The following OTUD7A variants were observed in gnomAD, a reference collection of about 807,000 sequenced individuals.
OTUD7A encodes the protein OTU deubiquitinase 7A, also known as OTU domain-containing protein 7A.
Under a neutral mutation model 65.7 loss-of-function variants are expected in OTUD7A, and 12 were observed. The ratio of observed to expected loss-of-function variants is 0.18; its 90% confidence interval spans 0.12 to 0.30. The LOEUF (loss-of-function observed/expected upper bound fraction) is 0.30, where lower values mean the gene tolerates loss of function less well. OTUD7A is among the 10% of genes least tolerant of loss of function. OTUD7A has a pLI of 1.00. For synonymous variants in OTUD7A, 641 were observed against 586.3 expected, an observed-to-expected ratio of 1.09 and a Z score of -1.35; for missense variants, 1,148 against 1,304.8, an observed-to-expected ratio of 0.88 and a Z score of 1.85.
chr15:31,802,006 T>C (rs944284973), intron 1 of OTUD7A, among the ~76,000 whole-genome samples: 2 of 152,128 alleles, frequency 1.3e-5, no homozygotes, highest in African/African-American at 4.8e-5. Context: ...CCTCCCATTT[T>C]GTTATGGGTT....
At chr15:31,770,884 T>G (rs1595757781) in intron 1 of OTUD7A, among the ~76,000 whole-genome samples, 1 of 151,984 alleles carries the variant, frequency 6.6e-6, no homozygotes, top group East Asian at 1.9e-4. Context: ...CTCAACAGAT[T>G]AAGAATATAA....
At chr15:31,800,767 C>T (rs894603434) in intron 1 of OTUD7A, among the ~76,000 whole-genome samples, 1 of 152,122 alleles carries the variant, frequency 6.6e-6, no homozygotes, top group Non-Finnish European at 1.5e-5. Context: ...GCAGCCCCAG[C>T]GTTTTTTTGT....
Position 31,483,519 on chromosome 15 carries a change from G to C in OTUD7A, c.2577C>G (p.Thr859=), listed in dbSNP as rs759967630. The C allele has an allele frequency of 1.6e-3, 2,205 of 1,388,544 alleles. 7 individuals are homozygous for C. The highest frequency in any genetic ancestry group is 1.9e-3 in the Non-Finnish European group (2,041 of 1,068,248). 86.0% of individuals were successfully genotyped at this position (1,388,544 alleles called of 1,614,324 possible). Residue 859 remains threonine (T), a synonymous_variant, in exon 13 of 13, where the codon ACC becomes ACG. Coordinates refer to ENST00000307050, the MANE Select transcript of OTUD7A (RefSeq NM_001382637.1). ...GAAEHKSQTY[T]NGFGALRDGL... is the part of the protein sequence containing the mutation. ...CGTCGCGCAGGGCGCCGAAGCCGTT[G>C]GTGTAGGTCTGCGACTTGTGCTCGG...
intron 1 of OTUD7A, among the ~76,000 whole-genome samples, chr15:31,853,143 C>CA (rs1897474121): frequency 6.6e-6 from 1 of 152,328 alleles, no homozygotes; most frequent in South Asian, 2.1e-4. Flanking sequence ...TGGAGTCAAA[C>CA]AAAAACTCTT....
intron 1 of OTUD7A, chr15:31,766,947 T>C (rs879154371): frequency 2.8e-5 from 45 of 1,611,806 alleles, no homozygotes; most frequent in South Asian, 1.6e-4. Context: ...TGTTAGAGGA[T>C]AGATCACGCA....
chr15:31,647,072 G>A (rs1055217948), intron 3 of OTUD7A, among the ~76,000 whole-genome samples: 23 of 152,242 alleles, frequency 1.5e-4, no homozygotes, highest in African/African-American at 5.1e-4. Context: ...CCCCAAATAC[G>A]TCTGGTCTAA....
chr15:31,477,855 T>C lies in OTUD7A; in HGVS notation c.*5439A>G, dbSNP rs1449862337. The C allele has an allele frequency of 7.4e-6, 1 of 135,332 alleles. No homozygotes were observed. Among genetic ancestry groups the C allele is most frequent in the Non-Finnish European group, 1.5e-5 (1 of 66,168 alleles). The allele number at this position is 135,332 out of a possible 1,614,324, so 8.4% of individuals were successfully genotyped here. On this transcript the variant is annotated 3_prime_UTR_variant, in exon 13 of 13. Coordinates refer to ENST00000307050, the MANE Select transcript of OTUD7A (RefSeq NM_001382637.1). ...AACATCTGCAGCACTCAGATGGTGATAGGTGCACAAGAAGAAGATGCAGAG... is the reference window on the plus strand; with the variant it reads ...AACATCTGCAGCACTCAGATGGTGACAGGTGCACAAGAAGAAGATGCAGAG...
intron 10 of OTUD7A, among the ~76,000 whole-genome samples, chr15:31,500,578 G>A (rs1287486664): frequency 1.3e-5 from 2 of 152,256 alleles, no homozygotes; most frequent in South Asian, 2.1e-4. Context: ...CGCCTCTGGC[G>A]GAGGGCTGGG....
Position 31,479,024 on chromosome 15 carries a change from C to G in OTUD7A, c.*4270G>C, listed in dbSNP as rs2041070476. On this transcript the variant is annotated 3_prime_UTR_variant, in exon 13 of 13. Coordinates refer to ENST00000307050, the MANE Select transcript of OTUD7A (RefSeq NM_001382637.1). ...AACAAAGCTGAGCGCTGGTCACTGC[C>G]CCGGCCAGCCACACTAAAACAGGCC... 6.6e-6 allele frequency: 1 copy of G among 152,306 alleles called. No individual in the cohort carries two copies. The highest frequency in any genetic ancestry group is 2.4e-5 in the African/African-American group (1 of 41,440). The allele number at this position is 152,306 out of a possible 1,614,324, so 9.4% of individuals were successfully genotyped here. A position where few individuals can be genotyped will look rare whatever the true frequency, so the allele number is the denominator to read the frequency against.
At chr15:31,863,081 C>T (rs919535548) in intron 1 of OTUD7A, among the ~76,000 whole-genome samples, 20 of 152,310 alleles carry the variant, frequency 1.3e-4, no homozygotes, top group Middle Eastern at 3.4e-3. Flanking sequence ...AAATGATCTC[C>T]TTTGACTCCA....
intron 1 of OTUD7A, among the ~76,000 whole-genome samples, chr15:31,763,878 A>G (rs1895036263): frequency 6.6e-6 from 1 of 152,204 alleles, no homozygotes; most frequent in Admixed American, 6.5e-5. Flanking sequence ...GAGGCACAAC[A>G]TTTTTAAAGG....
intron 3 of OTUD7A, among the ~76,000 whole-genome samples, chr15:31,584,526 C>A (rs765979447): frequency 6.6e-6 from 1 of 152,208 alleles, no homozygotes; most frequent in African/African-American, 2.4e-5. Context: ...CCTGAGCAGA[C>A]AAGTTACAGG....
chr15:31,563,485 G>A (rs1003918968), intron 4 of OTUD7A, among the ~76,000 whole-genome samples: 13 of 152,358 alleles, frequency 8.5e-5, no homozygotes, highest in Middle Eastern at 6.8e-3. Flanking sequence ...AGGGGCAGGA[G>A]GTGGGAATGG....
At chr15:31,681,101 T>C (rs919713195) in intron 1 of OTUD7A, among the ~76,000 whole-genome samples, 31 of 150,916 alleles carry the variant, frequency 2.1e-4, no homozygotes, top group African/African-American at 7.2e-4. Flanking sequence ...CCTACCTACC[T>C]ACCTATGTAT....
chr15:31,592,604 C>T (rs1303551076), intron 3 of OTUD7A, among the ~76,000 whole-genome samples: 4 of 151,642 alleles, frequency 2.6e-5, no homozygotes, highest in East Asian at 1.9e-4. Flanking sequence ...TAAGTAGGGC[C>T]GCGCGGTGGC....
chr15:31,504,858 A>G (rs1476657771), intron 8 of OTUD7A, among the ~76,000 whole-genome samples: 1 of 151,090 alleles, frequency 6.6e-6, no homozygotes, highest in Non-Finnish European at 1.5e-5. Flanking sequence ...TTGGTTACAT[A>G]CTACCCATGT....
intron 1 of OTUD7A, among the ~76,000 whole-genome samples, chr15:31,792,118 G>A (rs550528538): frequency 2.0e-4 from 30 of 152,142 alleles, no homozygotes; most frequent in South Asian, 1.0e-3. Context: ...TTTCTCGTCC[G>A]CTCCTCAGCA....
chr15:31,568,453 C>T (rs1234904616), intron 4 of OTUD7A, among the ~76,000 whole-genome samples: 1 of 152,194 alleles, frequency 6.6e-6, no homozygotes, highest in African/African-American at 2.4e-5. Context: ...TTTGATTTTA[C>T]AGGCTCACAG....
At chr15:31,845,509 C>A (rs1897275998) in intron 1 of OTUD7A, among the ~76,000 whole-genome samples, 1 of 152,242 alleles carries the variant, frequency 6.6e-6, no homozygotes, top group Non-Finnish European at 1.5e-5. Context: ...CCGGCTCCAA[C>A]CACACGATGC....
Sources: allele counts gnomAD v4.1 joint callset (sites outside exome capture counted in the v4.1 genomes callset), GRCh38; gene constraint gnomAD v4.1.1; transcripts MANE v1.5; gene names NCBI Gene and HGNC (gene_info 2026-07-23, HGNC 2026-07-21).